Variants in PIEZO2 observed in about 807,000 individuals in gnomAD.
The protein encoded by PIEZO2 is piezo type mechanosensitive ion channel component 2.
Under a neutral mutation model 337.3 loss-of-function variants are expected in PIEZO2, and 172 were observed. The ratio of observed to expected loss-of-function variants is 0.51; its 90% CI spans 0.45 to 0.58. The LOEUF is 0.58. Ranked by LOEUF, PIEZO2 falls within the 20% of genes least tolerant of loss-of-function variation. The probability of loss-of-function intolerance (pLI) is 0.00; values close to 1 mark genes in which losing one functional copy is unlikely to be tolerated. For missense variants in PIEZO2, 3,028 were observed against 3,391.3 expected, an observed-to-expected ratio of 0.89 and a Z score of 2.66; for synonymous variants, 1,251 against 1,228.5, an observed-to-expected ratio of 1.02 and a Z score of -0.38.
At chr18:10,879,745 A>G (rs2042364837) in intron 4 of PIEZO2, among the ~76,000 whole-genome samples, 1 of 152,006 alleles carries the variant, frequency 6.6e-6, no homozygotes, top group African/African-American at 2.4e-5. Flanking sequence ...CAGTGATTAT[A>G]CCCCTTGAAA....
chr18:10,825,735 G>A (rs149352168), intron 7 of PIEZO2, among the ~76,000 whole-genome samples: 1 of 151,822 alleles, frequency 6.6e-6, no homozygotes, highest in African/African-American at 2.4e-5. Flanking sequence ...ATTTTTAGTA[G>A]AGATGGGGTT....
chr18:10,825,645 G>A (rs1325008490), intron 7 of PIEZO2, among the ~76,000 whole-genome samples: 1 of 149,524 alleles, frequency 6.7e-6, no homozygotes, highest in Non-Finnish European at 1.5e-5. Flanking sequence ...TTGCCTCCTG[G>A]GATCAAGCAA....
In PIEZO2 at chr18:10,682,077, G is replaced by A. The variant is rs570526738; in HGVS notation, c.7686+27C>T. ...GGAATGTGGCGTGGGGCAAGGCTCT[G>A]GTAGGTGGGGTGTGCACAGAGATCA... On this transcript the variant is annotated intron_variant, in intron 50 of 55. Transcript: ENST00000674853. This position sits in a 1 kb window ranked among gnomAD's most constrained non-coding sequence, Gnocchi z 5.6. The A allele has an allele frequency of 3.5e-5, 53 of 1,519,920 alleles. No individual in the cohort carries two copies. Among genetic ancestry groups the A allele is most frequent in the Admixed American group, 2.0e-4 (10 of 50,132 alleles). 94.2% of individuals were successfully genotyped at this position (1,519,920 alleles called of 1,614,324 possible).
intron 3 of PIEZO2, among the ~76,000 whole-genome samples, chr18:10,939,210 G>T (rs2032578451): frequency 6.9e-6 from 1 of 145,766 alleles, no homozygotes; most frequent in African/African-American, 2.5e-5. Flanking sequence ...TTAGCTCATG[G>T]ATATATGCCA....
At chr18:10,831,917 A>G (rs2040853832) in intron 7 of PIEZO2, among the ~76,000 whole-genome samples, 3 of 152,194 alleles carry the variant, frequency 2.0e-5, no homozygotes, top group Non-Finnish European at 4.4e-5. Context: ...CTGGTCCCCA[A>G]GCTCCGTGAT....
intron 7 of PIEZO2, among the ~76,000 whole-genome samples, chr18:10,817,409 C>T (rs1464980702): frequency 6.6e-6 from 1 of 151,982 alleles, no homozygotes; most frequent in Non-Finnish European, 1.5e-5. Flanking sequence ...TGAAATTATA[C>T]CCGAAGTATC....
rs909653986 is a variant in PIEZO2 at position 11,148,565 on chromosome 18, C to A, written c.24G>T (p.Gly8=). The change falls in exon 1 of 56, where the codon GGG becomes GGT. Residue 8 remains glycine, a synonymous_variant. Transcript: ENST00000674853. This position sits in a 1 kb window ranked among gnomAD's most constrained non-coding sequence, Gnocchi z 5.2. MASEVVC[G]LIFRLLLPIC... ...TGGGCAGCAGCAGCCTGAAGATGAG[C>A]CCGCACACCACTTCTGAGGCCATCG... 1.8e-5 allele frequency: 27 copies of A among 1,537,082 alleles called. No individual in the cohort carries two copies. The highest frequency in any genetic ancestry group is 2.3e-5 in the Non-Finnish European group (26 of 1,146,916).
intron 4 of PIEZO2, among the ~76,000 whole-genome samples, chr18:10,883,216 T>C (rs1239012489): frequency 6.6e-6 from 1 of 152,204 alleles, no homozygotes; most frequent in Non-Finnish European, 1.5e-5. Flanking sequence ...TATATAGTGC[T>C]GAAATAAACA....
In PIEZO2 at chr18:11,105,477, C is replaced by A. The variant is rs1407366281; in HGVS notation, c.65-39255G>T. Among the ~76,000 whole-genome samples the A allele has an allele frequency of 6.6e-6, 1 of 152,088 alleles. No individual in the cohort carries two copies. The highest frequency in any genetic ancestry group is 2.4e-5 in the African/African-American group (1 of 41,406). On this transcript the variant is annotated intron_variant, in intron 1 of 55. Coordinates refer to ENST00000674853, the MANE Select transcript of PIEZO2 (RefSeq NM_001378183.1). This position sits in a 1 kb window ranked among gnomAD's most constrained non-coding sequence, Gnocchi z 4.3. ...GACACACTTCCACACTTCAAACTAC[C>A]ACGTGGTGAGAATCCCAGCACAGCT...
At position 11,054,922 on chromosome 18, in the gene PIEZO2, C is replaced by T. The variant is rs145687120; in HGVS notation, c.160+11205G>A. The stretch of plus-strand genomic sequence containing the variant: ...CACTGGGGACTGCTTAGCATTTCAC[C>T]GAGGGGCAGCCAGGCACGGTGGCTC... On this transcript the variant is annotated intron_variant, in intron 2 of 55. Transcript: ENST00000674853. 7.1e-3 allele frequency among the ~76,000 whole-genome samples: 1,084 copies of T among 152,156 alleles called. 7 individuals are homozygous for T. Among genetic ancestry groups the T allele is most frequent in the Admixed American group, 0.01 (158 of 15,268 alleles).
At chr18:10,974,433 A>T (rs2034361562) in intron 3 of PIEZO2, among the ~76,000 whole-genome samples, 1 of 152,246 alleles carries the variant, frequency 6.6e-6, no homozygotes, top group South Asian at 2.1e-4. Context: ...CTGCCATTGA[A>T]GGAAGCAAAG....
In PIEZO2 at chr18:10,776,582, A is replaced by C. The variant is rs2038795380; in HGVS notation, c.2535-2544T>G. ...TTATAGAAGGCCATTCAGAAGAAAA[A>C]AAAGGAGCAAACATTTCTTCATCGG... On this transcript the variant is annotated intron_variant, in intron 18 of 55. Coordinates refer to ENST00000674853, the MANE Select transcript of PIEZO2 (RefSeq NM_001378183.1). Among the ~76,000 whole-genome samples the C allele has an allele frequency of 1.3e-5, 2 of 152,326 alleles. 1 individual carries two copies. The highest frequency in any genetic ancestry group is 4.1e-4 in the South Asian group (2 of 4,822).
chr18:10,839,504 C>T (rs185601648), intron 7 of PIEZO2, among the ~76,000 whole-genome samples: 22 of 152,310 alleles, frequency 1.4e-4, no homozygotes, highest in Admixed American at 3.3e-4. Context: ...TCTGTTAAGC[C>T]CTTATGCCGA....
At chr18:11,019,389 C>A (rs1366682944) in intron 2 of PIEZO2, among the ~76,000 whole-genome samples, 3 of 152,192 alleles carry the variant, frequency 2.0e-5, no homozygotes, top group Non-Finnish European at 2.9e-5. Context: ...TCAGTTCATC[C>A]CCTACCATTC....
At position 11,101,516 on chromosome 18, in the gene PIEZO2, A is replaced by G. The variant is rs1333741763; in HGVS notation, c.65-35294T>C. On this transcript the variant is annotated intron_variant, in intron 1 of 55. Transcript: ENST00000674853. The surrounding 1 kb of genome is among the most constrained non-coding windows in gnomAD (Gnocchi z 4.4). ...AACATTATTTTTAAGCACCAGTGAG[A>G]AAAAAAGCTGCCCAAAATTTAACAT... Among the ~76,000 whole-genome samples, 1 of 151,750 alleles carries G rather than the reference A, an allele frequency of 6.6e-6. No homozygotes were observed. Among genetic ancestry groups the G allele is most frequent in the East Asian group, 1.9e-4 (1 of 5,200 alleles).
intron 4 of PIEZO2, among the ~76,000 whole-genome samples, chr18:10,881,156 A>G (rs1366810700): frequency 6.6e-6 from 1 of 151,984 alleles, no homozygotes; most frequent in Non-Finnish European, 1.5e-5. Flanking sequence ...ACCACAAAAC[A>G]GTCATTAAAC....
intron 36 of PIEZO2, 52 bp from the exon 37 acceptor site, chr18:10,718,311 A>C: frequency 7.2e-7 from 1 of 1,396,922 alleles, no homozygotes. Flanking sequence ...GGGTAAATTA[A>C]ATGCCAATGT....
At chr18:10,681,453 GT>G (rs2034261157) in intron 51 of PIEZO2, among the ~76,000 whole-genome samples, 1 of 152,148 alleles carries the variant, frequency 6.6e-6, no homozygotes, top group Non-Finnish European at 1.5e-5. Flanking sequence ...ATATTTAAAT[GT>G]TTATTACCAC....
chr18:11,034,193 T>C (rs2036839612), intron 2 of PIEZO2, among the ~76,000 whole-genome samples: 1 of 152,192 alleles, frequency 6.6e-6, no homozygotes, highest in Admixed American at 6.5e-5. Flanking sequence ...AGTTTTAATT[T>C]ACTCCATTCT....
Sources: gnomAD v4.1 joint callset for allele counts (sites outside exome capture counted in the v4.1 genomes callset) on GRCh38, gnomAD v4.1.1 for gene constraint, Gnocchi (gnomAD v3.1) non-coding constraint, MANE v1.5 for transcripts, NCBI Gene and HGNC (gene_info 2026-07-23, HGNC 2026-07-21) for gene names.